The following PROKR2 variants were observed in gnomAD, a reference collection of about 807,000 sequenced individuals.
PROKR2 encodes G protein-coupled receptor 73-like 1.
In PROKR2, 26 loss-of-function variants were observed where a neutral mutation model predicts 23.4. The observed-to-expected ratio is 1.11, with a 90% CI of 0.81 to 1.54. The LOEUF is 1.54. PROKR2 is among the 40% of genes most tolerant of loss of function. The probability of loss-of-function intolerance (pLI) is 0.00; values close to 1 mark genes in which losing one functional copy is unlikely to be tolerated. For missense variants in PROKR2, 453 were observed against 511.5 expected (o/e 0.89, Z 1.10); for synonymous variants, 212 against 201.2 (o/e 1.05, Z -0.45).
At chr20:5,314,462 G>T in intron 1 of PROKR2, 85 bp from the exon 2 acceptor site, 1 of 1,108,166 alleles carries the variant, frequency 9.0e-7, no homozygotes, top group Non-Finnish European at 1.4e-6. Context: ...CTAGCACCCT[G>T]CCCACATCCT....
At chr20:5,314,670 C>T (rs1600589423) in intron 1 of PROKR2, among the ~76,000 whole-genome samples, 1 of 152,200 alleles carries the variant, frequency 6.6e-6, no homozygotes, top group African/African-American at 2.4e-5. Flanking sequence ...CCGTGGCTGC[C>T]CAGCTGTCAG....
chr20:5,313,960 A>G lies in PROKR2; in HGVS notation c.410T>C (p.Val137Ala), dbSNP rs1600588328. 2 of 1,614,178 alleles carry G rather than the reference A, an allele frequency of 1.2e-6. No individual in the cohort carries two copies. Among genetic ancestry groups the G allele is most frequent in the Non-Finnish European group, 1.7e-6 (2 of 1,180,026 alleles). Residue 137 changes from valine to alanine, a missense_variant, in exon 2 of 3, where the codon GTC (valine) becomes GCC (alanine). By Grantham distance (64) the Val-to-Ala change is moderately conservative. Coordinates refer to ENST00000678254, the MANE Select transcript of PROKR2 (RefSeq NM_144773.4). ...GGCATTGGTGGAGACGTAGAGGGAG[A>G]CGGTGCGCAGGTAGTTGACGGAGGC... ...LCASVNYLRT[V>A]SLYVSTNALL...
At position 5,301,961 on chromosome 20, in the gene PROKR2, T is replaced by A. The variant is rs1979004643; in HGVS notation, c.*79A>T. On this transcript the variant is annotated 3_prime_UTR_variant, in exon 3 of 3. Transcript: ENST00000678254. ...GCATGAACACAGATGTCATTTCCCA[T>A]GCAGCCTATGAACTTGGTTGATGGT... The A allele has an allele frequency of 7.6e-7, 1 of 1,322,634 alleles. No homozygotes were observed. The highest frequency in any genetic ancestry group is 1.1e-6 in the Non-Finnish European group (1 of 940,004). 81.9% of individuals were successfully genotyped at this position (1,322,634 alleles called of 1,614,324 possible).
chr20:5,313,261 G>A (rs1004580297), intron 2 of PROKR2, among the ~76,000 whole-genome samples: 12 of 152,238 alleles, frequency 7.9e-5, no homozygotes, highest in Non-Finnish European at 1.3e-4. Flanking sequence ...GTATGCAAAT[G>A]AGCACACCAA....
chr20:5,311,648 C>T (rs1600586407), intron 2 of PROKR2, among the ~76,000 whole-genome samples: 2 of 152,184 alleles, frequency 1.3e-5, no homozygotes, highest in African/African-American at 4.8e-5. Context: ...AGGAGATTAA[C>T]ATTTGAGTCA....
rs1350448238 is a variant in PROKR2, at chr20:5,302,546, G to T, written c.649C>A (p.Gln217Lys). 6.2e-7 allele frequency: 1 copy of T among 1,614,240 alleles called. No homozygotes were observed. Among genetic ancestry groups the T allele is most frequent in the Non-Finnish European group, 8.5e-7 (1 of 1,180,038 alleles). ...FCGQIWPVDQ[Q>K]LYYKSYFLFI... ...AGGAAGTAGGACTTGTAGTAGAGCT[G>T]CTGATCCACAGGCCAGATCTGGCCA... The change falls in exon 3 of 3, where the codon CAG (glutamine) becomes AAG (lysine). Residue 217 changes from glutamine to lysine, a missense_variant. Gln to Lys is a moderately conservative substitution (Grantham distance 53, BLOSUM62 1). Coordinates refer to ENST00000678254, the MANE Select transcript of PROKR2 (RefSeq NM_144773.4).
rs780085295 is a variant in PROKR2, at chr20:5,302,333, A to G, written c.862T>C (p.Trp288Arg). ...MCILTAYVLC[W>R]APFYGFTIVR... is the part of the protein sequence containing the mutation. ...ATGGTGAAACCGTAGAAGGGTGCCCAGCACAGCACATAGGCCGTGAGAATG... is the reference window on the plus strand; with the variant it reads ...ATGGTGAAACCGTAGAAGGGTGCCCGGCACAGCACATAGGCCGTGAGAATG... Residue 288 changes from tryptophan (W) to arginine (R), a missense_variant, in exon 3 of 3, where the codon TGG becomes CGG. Trp to Arg is a moderately radical substitution (Grantham distance 101). Coordinates refer to ENST00000678254, the MANE Select transcript of PROKR2 (RefSeq NM_144773.4). 1 of 1,614,264 alleles carries G rather than the reference A, an allele frequency of 6.2e-7. No individual in the cohort carries two copies. Among genetic ancestry groups the G allele is most frequent in the Non-Finnish European group, 8.5e-7 (1 of 1,180,046 alleles).
chr20:5,311,511 G>T (rs1979442772), intron 2 of PROKR2, among the ~76,000 whole-genome samples: 3 of 152,284 alleles, frequency 2.0e-5, no homozygotes, highest in Admixed American at 2.0e-4. Flanking sequence ...AAAGACAAAG[G>T]TTTCAGTGGG....
chr20:5,304,300 C>A (rs551871286), intron 2 of PROKR2, among the ~76,000 whole-genome samples: 1 of 152,278 alleles, frequency 6.6e-6, no homozygotes, highest in African/African-American at 2.4e-5. Flanking sequence ...ACATTTGAGC[C>A]TTTTCCTTTT....
At chr20:5,315,634 A>ACGC in intron 1 of PROKR2, 1 of 348,612 alleles carries the variant, frequency 2.9e-6, no homozygotes, top group Non-Finnish European at 5.7e-6. Context: ...GGGGAGGAGA[A>ACGC]CGCCGAGGGA....
At chr20:5,315,888 A>T in intron 1 of PROKR2, 1 of 456,338 alleles carries the variant, frequency 2.2e-6, no homozygotes, top group Non-Finnish European at 4.4e-6. Context: ...AACCCAAGAC[A>T]AGAGGGCGCG....
At chr20:5,311,334 G>A (rs1979436439) in intron 2 of PROKR2, among the ~76,000 whole-genome samples, 1 of 152,294 alleles carries the variant, frequency 6.6e-6, no homozygotes, top group South Asian at 2.1e-4. Flanking sequence ...TGCTTGGACG[G>A]CTGAGAGAAT....
rs548739489 is a variant in PROKR2, at chr20:5,301,229, T to TG, written c.*810_*811insC. ...GGTTGTTGTTGTTGTTGTTTTGTTG[T>TG]TTGTTTGTTTGTTTTTTTCCTGAGA... On this transcript the variant is annotated 3_prime_UTR_variant, in exon 3 of 3. Transcript: ENST00000678254. Among the ~76,000 whole-genome samples the TG allele has an allele frequency of 0.046, 6,970 of 151,506 alleles. 385 individuals are homozygous for TG. The highest frequency in any genetic ancestry group is 0.12 in the African/African-American group (5,017 of 41,062).
chr20:5,303,921 G>A (rs4815789), intron 2 of PROKR2, among the ~76,000 whole-genome samples: 51,391 of 151,840 alleles, frequency 0.34, 8,993 homozygotes, highest in South Asian at 0.45. Context: ...GCTCTGGTTC[G>A]TTCCACCTTG....
Position 5,302,688 on chromosome 20 carries a change from C to T in PROKR2, c.507G>A (p.Thr169=), listed in dbSNP as rs142753046. The T allele has an allele frequency of 1.7e-4, 277 of 1,614,124 alleles. 1 individual carries two copies. In the African/African-American group the frequency reaches 3.3e-3, roughly 19 times the overall value. The change falls in exon 3 of 3, where the codon ACG becomes ACA. Residue 169 remains threonine (T), a synonymous_variant. Transcript: ENST00000678254. The part of the protein sequence containing the change: ...HPLKPRMNYQ[T]ASFLIALVWM... ...AGACCAAGGCGATCAGGAAGGAGGC[C>T]GTTTGATAATTCATCCGTGGTTTCA...
At position 5,302,327 on chromosome 20, in the gene PROKR2, G is replaced by C; in HGVS notation, c.868C>G (p.Pro290Ala). 1 of 1,614,204 alleles carries C rather than the reference G, an allele frequency of 6.2e-7. No homozygotes were observed. The highest frequency in any genetic ancestry group is 8.5e-7 in the Non-Finnish European group (1 of 1,180,034). The change falls in exon 3 of 3, where the codon CCC becomes GCC. Residue 290 changes from proline (P) to alanine (A), a missense_variant. Pro to Ala is a conservative substitution (Grantham distance 27). Transcript: ENST00000678254. ...CGAACGATGGTGAAACCGTAGAAGG[G>C]TGCCCAGCACAGCACATAGGCCGTG... Reference protein sequence around the residue: ...ILTAYVLCWAPFYGFTIVRDF... With the variant: ...ILTAYVLCWAAFYGFTIVRDF...
chr20:5,314,407 G>T, intron 1 of PROKR2, 30 bp from the exon 2 acceptor site: 1 of 1,556,052 alleles, frequency 6.4e-7, no homozygotes, highest in Admixed American at 1.7e-5. Flanking sequence ...AGGGAGGTGC[G>T]AGGGGTGAGG....
intron 2 of PROKR2, among the ~76,000 whole-genome samples, chr20:5,303,633 C>T (rs1178048981): frequency 6.6e-6 from 1 of 152,198 alleles, no homozygotes; most frequent in Admixed American, 6.5e-5. Context: ...TCCAGAGAGA[C>T]CTAATGACAC....
In PROKR2 at chr20:5,313,924, A is replaced by G; in HGVS notation, c.446T>C (p.Ile149Thr). Residue 149 changes from isoleucine to threonine, a missense_variant, in exon 2 of 3, where the codon ATT becomes ACT. By Grantham distance (89) the Ile-to-Thr change is moderately conservative. Coordinates refer to ENST00000678254, the MANE Select transcript of PROKR2 (RefSeq NM_144773.4). ...LYVSTNALLA[I>T]AIDRYLAIVH... is the part of the protein sequence containing the mutation. ...CCACCATCCTCACCTGTCAATGGCAATGGCCAGCAAGGCATTGGTGGAGAC... is the reference window on the plus strand; with the variant it reads ...CCACCATCCTCACCTGTCAATGGCAGTGGCCAGCAAGGCATTGGTGGAGAC... 6.2e-7 allele frequency: 1 copy of G among 1,614,118 alleles called. No individual in the cohort carries two copies. The highest frequency in any genetic ancestry group is 8.5e-7 in the Non-Finnish European group (1 of 1,179,938).
Sources: allele counts gnomAD v4.1 joint callset (sites outside exome capture counted in the v4.1 genomes callset), GRCh38; gene constraint gnomAD v4.1.1; transcripts MANE v1.5; gene names NCBI Gene and HGNC (gene_info 2026-07-23, HGNC 2026-07-21).